The following INF2 variants were observed in gnomAD, a reference collection of about 807,000 sequenced individuals.
INF2 encodes the protein inverted formin 2, also known as inverted formin-2.
Under a neutral mutation model 123.5 loss-of-function variants are expected in INF2, and 43 were observed. The observed-to-expected ratio is 0.35, with a 90% confidence interval of 0.27 to 0.45. The LOEUF (loss-of-function observed/expected upper bound fraction) is 0.45. INF2 is among the 20% of genes least tolerant of loss of function. The pLI is 1.00. For missense variants in INF2, 1,453 were observed against 1,682.7 expected (o/e 0.86, Z 2.39); for synonymous variants, 851 against 745.0 (o/e 1.14, Z -2.32).
chr14:104,696,371 G>T (rs1319335719), intron 1 of INF2, among the ~76,000 whole-genome samples: 1 of 152,196 alleles, frequency 6.6e-6, no homozygotes, highest in African/African-American at 2.4e-5. Context: ...CCTCACCAAG[G>T]CCCAGTGCGC....
intron 1 of INF2, among the ~76,000 whole-genome samples, chr14:104,682,782 C>G (rs1257685348): frequency 6.6e-6 from 1 of 152,142 alleles, no homozygotes; most frequent in South Asian, 2.1e-4. Context: ...AAGGGCCACC[C>G]CAGCAGTGGC....
intron 1 of INF2, among the ~76,000 whole-genome samples, chr14:104,692,540 G>C (rs1889005392): frequency 1.3e-5 from 2 of 152,198 alleles, no homozygotes; most frequent in African/African-American, 4.8e-5. Context: ...CTGGGAATAG[G>C]ACAGGCCTGT....
chr14:104,708,229 C>A, intron 8 of INF2: 1 of 865,160 alleles, frequency 1.2e-6, no homozygotes, highest in Non-Finnish European at 1.8e-6. Flanking sequence ...TCCCGTGAGC[C>A]AGTGCATCTG....
At position 104,701,581 on chromosome 14, in the gene INF2, C is replaced by T. The variant is rs757900463; in HGVS notation, c.216C>T (p.Ser72=). 9 of 1,607,478 alleles carry T rather than the reference C, an allele frequency of 5.6e-6. No homozygotes were observed. The highest frequency in any genetic ancestry group is 1.1e-5 in the South Asian group (1 of 90,650). ...GGWMVQFLEQ[S]GLDLLLEALA... ...GGATGGTGCAGTTCCTGGAGCAGAG[C>T]GGCCTGGACCTGCTGCTGGAGGCGC... The change falls in exon 2 of 23, where the codon AGC becomes AGT. Residue 72 remains serine (S), a synonymous_variant. Transcript: ENST00000392634.
In INF2 at chr14:104,707,859, C is replaced by T. The variant is rs200386025; in HGVS notation, c.1592C>T (p.Ala531Val). The T allele has an allele frequency of 3.3e-5, 53 of 1,600,148 alleles. No individual in the cohort carries two copies. Among genetic ancestry groups the T allele is most frequent in the Middle Eastern group, 1.7e-4 (1 of 6,036 alleles). Residue 531 changes from alanine to valine, a missense_variant, in exon 8 of 23, where the codon GCG becomes GTG. Physicochemically the swap from Ala to Val is moderately conservative, Grantham distance 64. This residue lies in a region of INF2 where 374 missense variants were observed against 303.7 expected (regional missense o/e 1.23). Transcript: ENST00000392634. The part of the protein sequence containing the change: ...LLPCTCSPPV[A>V]GGMEEVIVAQ... ...CCCTGCACCTGCAGCCCCCCCGTGG[C>T]GGGAGGCATGGAGGAGGTCATCGTG...
rs1245516149 is a variant in INF2, at chr14:104,715,340, G to A, written c.*1G>A. 6.2e-7 allele frequency: 1 copy of A among 1,613,316 alleles called. No individual in the cohort carries two copies. The highest frequency in any genetic ancestry group is 1.7e-5 in the Admixed American group (1 of 60,026). On this transcript the variant is annotated splice_region_variant and 3_prime_UTR_variant, in exon 22 of 23. Coordinates refer to ENST00000392634, the MANE Select transcript of INF2 (RefSeq NM_022489.4). ...AAAGAAACTGTGTGTGATCCAGTAA[G>A]GTATGTACGCAGCCGGCGCTCCGTG...
intron 1 of INF2, among the ~76,000 whole-genome samples, chr14:104,683,190 G>GT (rs2140569420): frequency 6.6e-6 from 1 of 150,938 alleles, no homozygotes; most frequent in Non-Finnish European, 1.5e-5. Context: ...CAATGGGGGA[G>GT]GGGAGGGGTG....
chr14:104,717,295 T>C (rs867194463), intron 22 of INF2, among the ~76,000 whole-genome samples: 1,203 of 92,082 alleles, frequency 0.013, 52 homozygotes, highest in Non-Finnish European at 0.014. Flanking sequence ...GTCCTCCCAG[T>C]CCCCCCCCCG....
At chr14:104,700,779 C>T in intron 1 of INF2, 6 of 942,840 alleles carry the variant, frequency 6.4e-6, no homozygotes, top group Non-Finnish European at 7.6e-6. Flanking sequence ...TGCAGACGGG[C>T]AGACTGAGGC....
chr14:104,705,963 G>A (rs1478115427), intron 5 of INF2, 72 bp from the exon 6 acceptor site: 8 of 1,566,552 alleles, frequency 5.1e-6, no homozygotes, highest in African/African-American at 1.3e-5. Context: ...CACTGGCGCT[G>A]ACCCAGGCTG....
chr14:104,709,415 G>C (rs1477332391), intron 11 of INF2, 32 bp downstream of exon 11: 2 of 1,549,206 alleles, frequency 1.3e-6, no homozygotes, highest in Non-Finnish European at 1.8e-6. Context: ...CCCACCCCCA[G>C]TTAGTGCCAC....
In INF2 at chr14:104,712,476, A is replaced by C; in HGVS notation, c.2533A>C (p.Lys845Gln). 6.2e-7 allele frequency: 1 copy of C among 1,612,662 alleles called. No individual in the cohort carries two copies. The highest frequency in any genetic ancestry group is 8.5e-7 in the Non-Finnish European group (1 of 1,179,798). The change falls in exon 17 of 23, where the codon AAG becomes CAG. Residue 845 changes from lysine (K) to glutamine (Q), a missense_variant. Lys to Gln is a moderately conservative substitution (Grantham distance 53). Coordinates refer to ENST00000392634, the MANE Select transcript of INF2 (RefSeq NM_022489.4). ...IIRSEASSNL[K>Q]KLLETERKVS... ...CCGCTCAGAGGCCAGCTCCAACCTG[A>C]AGAAGCTTCTGGAGACCGAGCGGAA...
chr14:104,704,250 C>T, intron 5 of INF2: 1 of 1,209,916 alleles, frequency 8.3e-7, no homozygotes, highest in Non-Finnish European at 1.1e-6. Context: ...AGTGAACCAA[C>T]CCAGAAACAG....
chr14:104,707,350 G>A lies in INF2; in HGVS notation c.1083G>A (p.Gln361=), dbSNP rs1279479537. Residue 361 remains glutamine (Q), a synonymous_variant, in exon 8 of 23, where the codon CAG becomes CAA. Transcript: ENST00000392634. ...SPLVKAHKSV[Q]ANLDQSQRGS... ...TGGTCAAGGCCCATAAAAGCGTCCA[G>A]GCCAACCTAGACCAGAGCCAGAGGG... 6.3e-7 allele frequency: 1 copy of A among 1,599,162 alleles called. No homozygotes were observed. Among genetic ancestry groups the A allele is most frequent in the Non-Finnish European group, 8.5e-7 (1 of 1,173,924 alleles).
intron 16 of INF2, among the ~76,000 whole-genome samples, 180 bp from the exon 17 acceptor site, chr14:104,712,253 C>T (rs911474270): frequency 2.6e-5 from 4 of 152,156 alleles, no homozygotes; most frequent in Admixed American, 1.3e-4. Flanking sequence ...CCCAGATGCT[C>T]ACAGGGGGCT....
At position 104,719,486 on chromosome 14, in the gene INF2, C is replaced by T. The variant is rs2140721524; in HGVS notation, c.*693C>T. 1 of 152,328 alleles carries T rather than the reference C, an allele frequency of 6.6e-6. No homozygotes were observed. The highest frequency in any genetic ancestry group is 2.1e-4 in the South Asian group (1 of 4,836). The allele number at this position is 152,328 out of a possible 1,614,324, so 9.4% of individuals were successfully genotyped here. A position where few individuals can be genotyped will look rare whatever the true frequency, so the allele number is the denominator to read the frequency against. On this transcript the variant is annotated 3_prime_UTR_variant, in exon 23 of 23. Coordinates refer to ENST00000392634, the MANE Select transcript of INF2 (RefSeq NM_022489.4). ...ACCTGAGGGGCTGCAGGGTGACACC[C>T]AGCAGCCGCTGCCCCCTCACTGCCC...
In INF2 at chr14:104,681,249, G is replaced by A. The variant is rs191337808; in HGVS notation, c.-437G>A. On this transcript the variant is annotated 5_prime_UTR_variant, in exon 1 of 3. Coordinates refer to the INF2 transcript ENST00000674723. Reference sequence around the variant, plus strand: ...AGGGGTAGGGAAGGGCCCTCCCAGCGCCCCACTGTAATAGGGGCCTCATCA... The same window carrying A: ...AGGGGTAGGGAAGGGCCCTCCCAGCACCCCACTGTAATAGGGGCCTCATCA... The A allele has an allele frequency of 3.2e-4, 112 of 347,498 alleles. 1 individual carries two copies. Among genetic ancestry groups the A allele is most frequent in the African/African-American group, 1.7e-3 (80 of 46,726 alleles). 21.5% of individuals were successfully genotyped at this position (347,498 alleles called of 1,614,324 possible).
At chr14:104,694,803 T>A (rs1443418641) in intron 1 of INF2, among the ~76,000 whole-genome samples, 1 of 152,098 alleles carries the variant, frequency 6.6e-6, no homozygotes, top group Non-Finnish European at 1.5e-5. Flanking sequence ...GGATGTAGGC[T>A]GGGGGCAGGG....
Position 104,714,431 on chromosome 14 carries a change from A to C in INF2, c.3269A>C (p.Asp1090Ala), listed in dbSNP as rs767768153. ...GCCAGCGATGTCCTAACCACTGAGG[A>C]TCCCCAGTGCCCCCAGCCCTTGGAG... is the stretch of plus-strand genomic sequence containing the variant. ...VDASDVLTTE[D>A]PQCPQPLEGA... Residue 1090 changes from aspartate (D) to alanine (A), a missense_variant, in exon 21 of 23, where the codon GAT becomes GCT. Asp to Ala is a moderately radical substitution (Grantham distance 126, BLOSUM62 -2). Transcript: ENST00000392634. The C allele has an allele frequency of 2.5e-6, 4 of 1,609,854 alleles. No individual in the cohort carries two copies. The highest frequency in any genetic ancestry group is 3.4e-6 in the Non-Finnish European group (4 of 1,178,480).
Sources: allele counts gnomAD v4.1 joint callset (sites outside exome capture counted in the v4.1 genomes callset), GRCh38; gene constraint gnomAD v4.1.1; regional missense constraint gnomAD v4.1.1; transcripts MANE v1.5; gene names NCBI Gene and HGNC (gene_info 2026-07-23, HGNC 2026-07-21).